IRAK1BP1: variants seen among roughly 807,000 people sequenced by gnomAD.
The protein encoded by IRAK1BP1 is interleukin-1 receptor-associated kinase 1-binding protein 1.
IRAK1BP1 carries 24 observed loss-of-function variants against 28.0 expected under a neutral mutation model. The ratio of observed to expected loss-of-function variants is 0.86; its 90% CI spans 0.62 to 1.20. The LOEUF is 1.20. Among genes scored for constraint, IRAK1BP1 ranks in the 50% most tolerant of loss-of-function variants. The probability of loss-of-function intolerance (pLI) is 0.00; values close to 1 mark genes in which losing one functional copy is unlikely to be tolerated. For synonymous variants in IRAK1BP1, 131 were observed against 116.3 expected (o/e 1.13, Z -0.81); for missense variants, 336 against 316.7 (o/e 1.06, Z -0.46).
intron 1 of IRAK1BP1, among the ~76,000 whole-genome samples, chr6:78,875,029 A>T (rs548468617): frequency 1.9e-4 from 29 of 152,336 alleles, no homozygotes; most frequent in African/African-American, 6.5e-4. Context: ...TCCTATAAGG[A>T]ATAAGCAGGA....
chr6:78,933,389 G>A (rs1040503226), intron 4 of IRAK1BP1, among the ~76,000 whole-genome samples: 9 of 152,156 alleles, frequency 5.9e-5, no homozygotes, highest in East Asian at 3.9e-4. Flanking sequence ...AGGCTGAGGC[G>A]GGCGGATCAC....
chr6:78,911,594 T>G (rs66511207), intron 4 of IRAK1BP1, among the ~76,000 whole-genome samples: 17,376 of 152,256 alleles, frequency 0.11, 1,239 homozygotes, highest in African/African-American at 0.18. Flanking sequence ...GACTGCCACC[T>G]CAGCTGAATT....
chr6:78,889,411 C>T (rs533356711), intron 2 of IRAK1BP1, among the ~76,000 whole-genome samples: 2 of 151,992 alleles, frequency 1.3e-5, no homozygotes, highest in Non-Finnish European at 2.9e-5. Context: ...CAACAAAAGC[C>T]AAAATTGACA....
downstream of IRAK1BP1, among the ~76,000 whole-genome samples, chr6:78,906,181 A>G (rs1238602117): frequency 6.6e-6 from 1 of 152,156 alleles, no homozygotes; most frequent in African/African-American, 2.4e-5. Flanking sequence ...AAGATTTTAT[A>G]TATGCTGGAA....
chr6:78,868,153 G>A (rs72901171), intron 1 of IRAK1BP1, among the ~76,000 whole-genome samples: 4,778 of 152,338 alleles, frequency 0.031, 93 homozygotes, highest in Middle Eastern at 0.085. Flanking sequence ...TTTATCTGGG[G>A]ATATTTGCTT....
At chr6:78,952,176 T>A in the IRAK1BP1 span, among the ~76,000 whole-genome samples, 1 of 152,062 alleles carries the variant, frequency 6.6e-6, no homozygotes, top group African/African-American at 2.4e-5. Flanking sequence ...TCCCAGCACT[T>A]TGGGGAGGCT....
the IRAK1BP1 span, among the ~76,000 whole-genome samples, chr6:78,976,213 T>G: frequency 6.7e-6 from 1 of 148,436 alleles, no homozygotes; most frequent in Non-Finnish European, 1.5e-5. Flanking sequence ...CCCTCAGAAA[T>G]AACGCCGCAT....
chr6:78,896,579 A>G (rs578110952), intron 2 of IRAK1BP1, among the ~76,000 whole-genome samples: 25 of 152,308 alleles, frequency 1.6e-4, no homozygotes, highest in African/African-American at 6.0e-4. Context: ...GAACTGATAA[A>G]GGAGTTACCT....
the IRAK1BP1 span, among the ~76,000 whole-genome samples, chr6:78,977,864 C>G: frequency 1.3e-5 from 2 of 151,800 alleles, no homozygotes; most frequent in Non-Finnish European, 2.9e-5. Flanking sequence ...TTTTTGTTTT[C>G]TTTTTTTTCT....
chr6:78,888,024 T>TA (rs34228023), intron 2 of IRAK1BP1, among the ~76,000 whole-genome samples: 125,334 of 151,764 alleles, frequency 0.83, 51,834 homozygotes, highest in East Asian at 0.89. Flanking sequence ...TATTTAGCCT[T>TA]AAAAAAAAGG....
At chr6:78,873,091 A>C (rs1160851400) in intron 1 of IRAK1BP1, among the ~76,000 whole-genome samples, 1 of 151,744 alleles carries the variant, frequency 6.6e-6, no homozygotes, top group East Asian at 1.9e-4. Context: ...CCCTGTTTCT[A>C]CTAAAAATAT....
At chr6:78,924,279 C>A (rs1050966953) in intron 4 of IRAK1BP1, among the ~76,000 whole-genome samples, 1 of 152,136 alleles carries the variant, frequency 6.6e-6, no homozygotes, top group Non-Finnish European at 1.5e-5. Flanking sequence ...TGAGAGAATA[C>A]TATAAACACC....
chr6:78,957,060 C>G, the IRAK1BP1 span: 1 of 151,964 alleles, frequency 6.6e-6, no homozygotes, highest in Admixed American at 6.6e-5. Context: ...AAACTATACA[C>G]ATCTAAAAAA....
chr6:78,958,324 T>G, the IRAK1BP1 span: 3 of 529,174 alleles, frequency 5.7e-6, no homozygotes, highest in African/African-American at 3.8e-5. Context: ...CAGAGACCTT[T>G]AGATCTTCAG....
intron 4 of IRAK1BP1, among the ~76,000 whole-genome samples, chr6:78,944,084 G>C (rs75459183): frequency 6.6e-6 from 1 of 150,652 alleles, no homozygotes; most frequent in South Asian, 2.1e-4. Context: ...TAAGTGAGAC[G>C]TGAAAGGCAA....
chr6:78,906,828 A>G (rs937126201), downstream of IRAK1BP1, among the ~76,000 whole-genome samples: 1 of 152,176 alleles, frequency 6.6e-6, no homozygotes, highest in Admixed American at 6.5e-5. Context: ...GTCATTTTAT[A>G]TATTTTATTT....
At chr6:78,954,019 A>C in the IRAK1BP1 span, among the ~76,000 whole-genome samples, 3 of 152,228 alleles carry the variant, frequency 2.0e-5, no homozygotes, top group Non-Finnish European at 4.4e-5. Context: ...CATGTATTCC[A>C]TAAAGATTAC....
the IRAK1BP1 span, among the ~76,000 whole-genome samples, chr6:78,977,452 C>G: frequency 9.9e-5 from 15 of 152,174 alleles, no homozygotes; most frequent in African/African-American, 3.6e-4. Context: ...GTGCAGCACA[C>G]CAGCATGGCA....
chr6:78,953,112 G>C, the IRAK1BP1 span, among the ~76,000 whole-genome samples: 1 of 151,674 alleles, frequency 6.6e-6, no homozygotes, highest in Non-Finnish European at 1.5e-5. Flanking sequence ...TTCTACACAA[G>C]GGTGGTGCAA....
Sources: gnomAD v4.1 joint callset for allele counts (sites outside exome capture counted in the v4.1 genomes callset) on GRCh38, gnomAD v4.1.1 for gene constraint, MANE v1.5 for transcripts, NCBI Gene and HGNC (gene_info 2026-07-23, HGNC 2026-07-21) for gene names.